Variants in INO80 observed in about 807,000 individuals in gnomAD.
The protein encoded by INO80 is chromatin-remodeling ATPase INO80.
In INO80, 20 loss-of-function variants were observed where a neutral mutation model predicts 203.4. The observed-to-expected ratio is 0.10, with a 90% confidence interval of 0.07 to 0.14. The LOEUF is 0.14. INO80 is among the 10% of genes least tolerant of loss of function. The probability of loss-of-function intolerance (pLI) is 1.00; values close to 1 mark genes in which losing one functional copy is unlikely to be tolerated. For synonymous variants in INO80, 726 were observed against 685.2 expected, an observed-to-expected ratio of 1.06 and a Z score of -0.93; for missense variants, 1,419 against 1,914.4, an observed-to-expected ratio of 0.74 and a Z score of 4.83.
At position 41,058,800 on chromosome 15, in the gene INO80, A is replaced by G. The variant is rs756835852; in HGVS notation, c.1843-19T>C. Reference sequence around the variant, plus strand: ...GGGTCTTCTGTAAATATAAAAGGGGAAGGGTGAAAAGAGAAACCTAATAAT... The same window carrying G: ...GGGTCTTCTGTAAATATAAAAGGGGGAGGGTGAAAAGAGAAACCTAATAAT... On this transcript the variant is annotated intron_variant, in intron 15 of 35. Coordinates refer to ENST00000648947, the MANE Select transcript of INO80 (RefSeq NM_017553.3). 1.9e-6 allele frequency: 3 copies of G among 1,600,514 alleles called. No individual in the cohort carries two copies. In the South Asian group the frequency reaches 3.4e-5, roughly 18 times the overall value.
chr15:41,001,811 G>A (rs1316857789), intron 28 of INO80, among the ~76,000 whole-genome samples: 1 of 152,138 alleles, frequency 6.6e-6, no homozygotes, highest in Non-Finnish European at 1.5e-5. Flanking sequence ...TGTTTACTCT[G>A]GCTGACCTTT....
chr15:41,081,099 C>T (rs1191228624), intron 7 of INO80, 26 bp from the exon 8 acceptor site: 3 of 1,425,342 alleles, frequency 2.1e-6, no homozygotes, highest in Non-Finnish European at 2.0e-6. Flanking sequence ...AACAATATTT[C>T]ATTTAGGATT....
At chr15:41,007,186 T>TC (rs970912463) in intron 27 of INO80, among the ~76,000 whole-genome samples, 2 of 69,704 alleles carry the variant, frequency 2.9e-5, no homozygotes, top group African/African-American at 1.2e-4. Context: ...TTTTTTCTTT[T>TC]TTTTTTTTTT....
chr15:41,041,721 G>A (rs894850470), intron 24 of INO80, among the ~76,000 whole-genome samples: 6 of 152,138 alleles, frequency 3.9e-5, no homozygotes, highest in Non-Finnish European at 8.8e-5. Flanking sequence ...GGGATTAACA[G>A]GCATGAGCCA....
At chr15:41,077,871 T>C (rs1397170801) in intron 9 of INO80, among the ~76,000 whole-genome samples, 4 of 151,816 alleles carry the variant, frequency 2.6e-5, no homozygotes. Context: ...GAAAACTTTC[T>C]AAAGTAAAAC....
chr15:40,997,443 A>T, intron 29 of INO80, 86 bp downstream of exon 29: 1 of 896,236 alleles, frequency 1.1e-6, no homozygotes, highest in Non-Finnish European at 1.8e-6. Flanking sequence ...AGGGTAAAAC[A>T]AACAATGCCA....
intron 3 of INO80, 29 bp from the exon 4 acceptor site, chr15:41,095,697 A>T (rs373307759): frequency 7.6e-5 from 123 of 1,608,514 alleles, no homozygotes; most frequent in Non-Finnish European, 9.3e-5. Context: ...AGAATAAAAA[A>T]ATTAAAGGAT....
At chr15:41,068,485 C>T (rs1220226287) in intron 14 of INO80, among the ~76,000 whole-genome samples, 1 of 151,898 alleles carries the variant, frequency 6.6e-6, no homozygotes, top group African/African-American at 2.4e-5. Context: ...CACTTCAACC[C>T]TGGAGGCAAA....
intron 29 of INO80, among the ~76,000 whole-genome samples, chr15:40,990,143 A>C (rs1391790895): frequency 6.6e-6 from 1 of 151,962 alleles, no homozygotes; most frequent in African/African-American, 2.4e-5. Context: ...TCTATCCTCC[A>C]TCTTACAAGC....
At chr15:41,089,439 C>T (rs889629068) in intron 5 of INO80, among the ~76,000 whole-genome samples, 3 of 152,134 alleles carry the variant, frequency 2.0e-5, no homozygotes, top group Admixed American at 6.6e-5. Context: ...TTATGTACAA[C>T]GTTCCACACT....
chr15:41,010,693 T>G (rs748194951), intron 27 of INO80, among the ~76,000 whole-genome samples: 2 of 152,232 alleles, frequency 1.3e-5, no homozygotes, highest in Non-Finnish European at 2.9e-5. Context: ...ATCATCATCA[T>G]AAAGGATAAT....
chr15:40,995,164 C>G (rs777288507), intron 29 of INO80, among the ~76,000 whole-genome samples: 2 of 152,208 alleles, frequency 1.3e-5, no homozygotes, highest in African/African-American at 4.8e-5. Context: ...CCTAGAAATG[C>G]AGACTTTTGA....
intron 24 of INO80, among the ~76,000 whole-genome samples, chr15:41,036,673 A>T (rs927530144): frequency 3.3e-5 from 5 of 152,220 alleles, no homozygotes; most frequent in Admixed American, 3.3e-4. Context: ...CTGGTGCATT[A>T]ATATAATGTG....
chr15:41,009,904 A>G (rs2044108228), intron 27 of INO80, among the ~76,000 whole-genome samples: 1 of 152,134 alleles, frequency 6.6e-6, no homozygotes, highest in African/African-American at 2.4e-5. Context: ...CCGGCCAAAC[A>G]TACCTGTTTT....
chr15:41,014,270 A>G (rs1473720612), intron 27 of INO80, among the ~76,000 whole-genome samples: 2 of 152,170 alleles, frequency 1.3e-5, no homozygotes, highest in East Asian at 1.9e-4. Flanking sequence ...AAATACCATT[A>G]TGTCCCTTAC....
chr15:41,085,916 A>G (rs1008855265), intron 6 of INO80, among the ~76,000 whole-genome samples: 8 of 151,924 alleles, frequency 5.3e-5, no homozygotes, highest in South Asian at 2.1e-4. Flanking sequence ...TTGGAGTGCA[A>G]TGGTGCAATC....
chr15:41,101,485 G>A (rs760016632), intron 1 of INO80, among the ~76,000 whole-genome samples: 1 of 151,666 alleles, frequency 6.6e-6, no homozygotes, highest in Non-Finnish European at 1.5e-5. Context: ...TTTCACCTTA[G>A]CTCAATAGTT....
At chr15:41,054,489 A>G (rs2044946388) in intron 18 of INO80, among the ~76,000 whole-genome samples, 1 of 152,206 alleles carries the variant, frequency 6.6e-6, no homozygotes, top group Non-Finnish European at 1.5e-5. Flanking sequence ...AGTATTGATA[A>G]GGTTAAAAAT....
chr15:41,114,844 A>C (rs1431353941), intron 1 of INO80, among the ~76,000 whole-genome samples: 2 of 152,184 alleles, frequency 1.3e-5, no homozygotes, highest in Admixed American at 1.3e-4. Flanking sequence ...TTAGGCAAAA[A>C]ATATATTAAT....
Sources: gnomAD v4.1 joint callset for allele counts (sites outside exome capture counted in the v4.1 genomes callset) on GRCh38, gnomAD v4.1.1 for gene constraint, MANE v1.5 for transcripts, NCBI Gene and HGNC (gene_info 2026-07-23, HGNC 2026-07-21) for gene names.